The following DNAJC1 variants were observed in gnomAD, a reference collection of about 807,000 sequenced individuals.
DNAJC1 encodes dnaJ homolog subfamily C member 1.
Under a neutral mutation model 76.6 loss-of-function variants are expected in DNAJC1, and 58 were observed. That is an observed-to-expected ratio of 0.76 (90% CI 0.61 to 0.94). The LOEUF is 0.94. DNAJC1 is among the 40% of genes least tolerant of loss of function. The probability of loss-of-function intolerance (pLI) is 0.00; values close to 1 mark genes in which losing one functional copy is unlikely to be tolerated. For synonymous variants in DNAJC1, 258 were observed against 267.9 expected (o/e 0.96, Z 0.36); for missense variants, 689 against 677.3 (o/e 1.02, Z -0.19).
At chr10:21,852,324 G>A (rs531580770) in intron 8 of DNAJC1, among the ~76,000 whole-genome samples, 6 of 152,074 alleles carry the variant, frequency 3.9e-5, no homozygotes, top group Non-Finnish European at 5.9e-5. Context: ...GGTGGAGGTG[G>A]GCAATGAGAA....
At chr10:21,984,559 A>T (rs1030033445) in intron 1 of DNAJC1, among the ~76,000 whole-genome samples, 3 of 152,224 alleles carry the variant, frequency 2.0e-5, no homozygotes, top group African/African-American at 7.2e-5. Context: ...CTACCTGTAA[A>T]GAAGGCAGAA....
chr10:21,908,916 C>T (rs932615762), intron 6 of DNAJC1, among the ~76,000 whole-genome samples: 2 of 151,812 alleles, frequency 1.3e-5, no homozygotes, highest in African/African-American at 2.4e-5. Flanking sequence ...GACAGAGTCT[C>T]GCTGTGTCGC....
intron 1 of DNAJC1, among the ~76,000 whole-genome samples, chr10:21,963,797 T>C (rs1479928954): frequency 6.6e-6 from 1 of 152,226 alleles, no homozygotes; most frequent in Non-Finnish European, 1.5e-5. Context: ...TGTTTATTGA[T>C]ATACATGAAT....
At chr10:21,797,528 T>C (rs1834762853) in intron 9 of DNAJC1, among the ~76,000 whole-genome samples, 1 of 152,196 alleles carries the variant, frequency 6.6e-6, no homozygotes, top group African/African-American at 2.4e-5. Context: ...ATGAGTGCTA[T>C]GGTTTGAATG....
At chr10:22,001,371 G>C (rs1051347605) in intron 1 of DNAJC1, among the ~76,000 whole-genome samples, 3 of 152,152 alleles carry the variant, frequency 2.0e-5, no homozygotes, top group African/African-American at 7.2e-5. Context: ...AAAAAAACTT[G>C]TTCCATTCAG....
chr10:21,888,228 A>G (rs1383673158), intron 7 of DNAJC1, among the ~76,000 whole-genome samples: 3 of 152,164 alleles, frequency 2.0e-5, no homozygotes, highest in African/African-American at 7.2e-5. Flanking sequence ...TAAAAGGTCA[A>G]AAAATAACAG....
intron 8 of DNAJC1, among the ~76,000 whole-genome samples, chr10:21,809,765 T>G (rs1834935674): frequency 6.6e-6 from 1 of 152,204 alleles, no homozygotes; most frequent in Admixed American, 6.5e-5. Context: ...TATTTAAAAA[T>G]GGAGGCATGC....
chr10:21,971,340 C>T (rs1335716418), intron 1 of DNAJC1, among the ~76,000 whole-genome samples: 4 of 151,652 alleles, frequency 2.6e-5, no homozygotes, highest in South Asian at 2.1e-4. Context: ...TGTCAAGTAA[C>T]GAATTGTTTA....
At chr10:21,771,641 G>A (rs930344756) in intron 9 of DNAJC1, among the ~76,000 whole-genome samples, 3 of 152,114 alleles carry the variant, frequency 2.0e-5, no homozygotes, top group African/African-American at 7.2e-5. Flanking sequence ...GGGATTACAG[G>A]TGCGTGCCAC....
chr10:21,947,504 T>G, intron 1 of DNAJC1, among the ~76,000 whole-genome samples: 1 of 152,198 alleles, frequency 6.6e-6, no homozygotes, highest in East Asian at 1.9e-4. Context: ...ATAGTAAGTA[T>G]ATTTTCTCTT....
intron 9 of DNAJC1, among the ~76,000 whole-genome samples, chr10:21,782,429 C>G (rs922453644): frequency 2.0e-5 from 3 of 152,084 alleles, no homozygotes; most frequent in Admixed American, 1.3e-4. Flanking sequence ...AGTCCAGGAC[C>G]AGATGGATTC....
At chr10:21,970,846 T>C (rs1353989259) in intron 1 of DNAJC1, among the ~76,000 whole-genome samples, 7 of 152,112 alleles carry the variant, frequency 4.6e-5, no homozygotes, top group South Asian at 4.1e-4. Flanking sequence ...ATATTTCTAA[T>C]CTCTTACATG....
intron 11 of DNAJC1, among the ~76,000 whole-genome samples, chr10:21,758,039 G>A (rs1301518824): frequency 1.3e-5 from 2 of 152,114 alleles, no homozygotes; most frequent in South Asian, 2.1e-4. Flanking sequence ...CAAACCAGTC[G>A]GAGAGGCTGG....
intron 8 of DNAJC1, among the ~76,000 whole-genome samples, chr10:21,837,968 G>A (rs1490676907): frequency 7.0e-6 from 1 of 142,950 alleles, no homozygotes; most frequent in Non-Finnish European, 1.5e-5. Flanking sequence ...GGAGGTGGGG[G>A]GCAGTCCCCG....
At chr10:21,906,054 T>C (rs550651426) in intron 6 of DNAJC1, among the ~76,000 whole-genome samples, 1 of 152,298 alleles carries the variant, frequency 6.6e-6, no homozygotes, top group African/African-American at 2.4e-5. Context: ...TCTGTGTCTC[T>C]TGGGGTTCTA....
chr10:21,778,455 A>T (rs1456057808), intron 9 of DNAJC1, among the ~76,000 whole-genome samples: 3 of 152,234 alleles, frequency 2.0e-5, no homozygotes, highest in African/African-American at 7.2e-5. Flanking sequence ...TTTATTAAGT[A>T]TTGACTTAGT....
intron 1 of DNAJC1, among the ~76,000 whole-genome samples, chr10:21,973,723 T>G (rs773165672): frequency 7.1e-6 from 1 of 141,728 alleles, no homozygotes; most frequent in Non-Finnish European, 1.5e-5. Context: ...CTGCATAGTT[T>G]TATGCTCACT....
rs549184605 is a variant in DNAJC1 at position 21,904,572 on chromosome 10, A to C, written c.770T>G (p.Leu257Trp). ...AGTCAGTGCATCTTCCTTTTCCTTC[A>C]ATCTTGTTTCTTTATATTTAGCATA... is the stretch of plus-strand genomic sequence containing the variant. ...QFYAKYKETR[L>W]KEKEDALTRT... Residue 257 changes from leucine (L) to tryptophan (W), a missense_variant, in exon 7 of 12, where the codon TTG becomes TGG. By Grantham distance (61) the Leu-to-Trp change is moderately conservative. Coordinates refer to ENST00000376980, the MANE Select transcript of DNAJC1 (RefSeq NM_022365.4). 2 of 1,607,886 alleles carry C rather than the reference A, an allele frequency of 1.2e-6. No homozygotes were observed. The highest frequency in any genetic ancestry group is 2.2e-5 in the East Asian group (1 of 44,522).
At chr10:21,760,355 A>G (rs1834227078) in intron 10 of DNAJC1, among the ~76,000 whole-genome samples, 1 of 152,270 alleles carries the variant, frequency 6.6e-6, no homozygotes, top group African/African-American at 2.4e-5. Context: ...GAGCACTGAT[A>G]TCCTCAATAC....
Sources: allele counts gnomAD v4.1 joint callset (sites outside exome capture counted in the v4.1 genomes callset), GRCh38; gene constraint gnomAD v4.1.1; transcripts MANE v1.5; gene names NCBI Gene and HGNC (gene_info 2026-07-23, HGNC 2026-07-21).